Variants in ELN observed in about 807,000 individuals in gnomAD.
The protein encoded by ELN is elastin, also known as tropoelastin.
Under a neutral mutation model 105.8 loss-of-function variants are expected in ELN, and 65 were observed. That is an observed-to-expected ratio of 0.61 (90% CI 0.50 to 0.75). The LOEUF is 0.75. Ranked by LOEUF, ELN falls within the 30% of genes least tolerant of loss-of-function variation. ELN has a pLI of 0.00. For synonymous variants in ELN, 368 were observed against 389.2 expected, an observed-to-expected ratio of 0.95 and a Z score of 0.64; for missense variants, 882 against 969.4, an observed-to-expected ratio of 0.91 and a Z score of 1.20.
intron 19 of ELN, among the ~76,000 whole-genome samples, chr7:74,055,146 G>GTGTCGA (rs1216939263): frequency 6.6e-6 from 1 of 152,266 alleles, no homozygotes; most frequent in Non-Finnish European, 1.5e-5. Context: ...GGACTGAAGA[G>GTGTCGA]TGTCAGTAAA....
At position 74,056,714 on chromosome 7, in the gene ELN, G is replaced by C; in HGVS notation, c.1357+1G>C. ...GCTGCCGCCAAGGCTGCCAAGTACG[G>C]TAAGTGCCCCTGCCCTGCCTGTCCC... is the stretch of plus-strand genomic sequence containing the variant. On this transcript the variant is annotated splice_donor_variant, in intron 21 of 32. Transcript: ENST00000252034. LOFTEE classifies it high-confidence loss of function. The C allele has an allele frequency of 6.2e-7, 1 of 1,613,790 alleles. No homozygotes were observed. The highest frequency in any genetic ancestry group is 8.5e-7 in the Non-Finnish European group (1 of 1,180,018).
At position 74,069,836 on chromosome 7, in the gene ELN, C is replaced by CT. The variant is rs886062436; in HGVS notation, c.*1145dup. 147 of 203,058 alleles carry CT rather than the reference C, an allele frequency of 7.2e-4. No homozygotes were observed. The highest frequency in any genetic ancestry group is 1.7e-3 in the Middle Eastern group (1 of 606). 12.6% of individuals were successfully genotyped at this position (203,058 alleles called of 1,614,324 possible). A position where few individuals can be genotyped will look rare whatever the true frequency, so the allele number is the denominator to read the frequency against. Reference sequence around the variant, plus strand: ...TAATATAACTCTGGATGAAACACACCTTTTTTTTTAATAAGAAAAGAGAAT... The same window carrying CT: ...TAATATAACTCTGGATGAAACACACCTTTTTTTTTTAATAAGAAAAGAGAAT... On this transcript the variant is annotated 3_prime_UTR_variant, in exon 33 of 33. Coordinates refer to ENST00000252034, the MANE Select transcript of ELN (RefSeq NM_000501.4).
intron 15 of ELN, among the ~76,000 whole-genome samples, chr7:74,049,680 G>C (rs1385863744): frequency 1.6e-5 from 2 of 128,146 alleles, no homozygotes; most frequent in African/African-American, 3.0e-5. Context: ...ATTCCTCCAT[G>C]CATTCATCCT....
intron 29 of ELN, among the ~76,000 whole-genome samples, chr7:74,064,410 G>A (rs1261433496): frequency 1.0e-4 from 13 of 127,782 alleles, no homozygotes; most frequent in Admixed American, 4.7e-4. Flanking sequence ...GCGAGACTCC[G>A]TCTCAAAAAA....
intron 25 of ELN, 114 bp from the exon 26 acceptor site, chr7:74,060,987 T>G: frequency 7.8e-7 from 1 of 1,277,926 alleles, no homozygotes; most frequent in Non-Finnish European, 1.1e-6. Context: ...CTTCAGGGCT[T>G]TGAGGAAGCA....
chr7:74,063,720 AGT>A lies in ELN; in HGVS notation c.1993+33_1993+34del. On this transcript the variant is annotated intron_variant, in intron 29 of 32. Coordinates refer to ENST00000252034, the MANE Select transcript of ELN (RefSeq NM_000501.4). The surrounding 1 kb of genome is among the most constrained non-coding windows in gnomAD (Gnocchi z 4.1). The stretch of plus-strand genomic sequence containing the variant: ...GGTGAGAGTTGTTCTGAAATCAGTG[AGT>A]GTGTGTGGTGTGTGTATGCGAGACA... The A allele has an allele frequency of 6.2e-7, 1 of 1,613,846 alleles. No individual in the cohort carries two copies.
chr7:74,058,547 G>A (rs374509621), intron 22 of ELN, among the ~76,000 whole-genome samples: 162 of 152,086 alleles, frequency 1.1e-3, no homozygotes, highest in Admixed American at 4.7e-3. Context: ...TAGCGACAGC[G>A]GTCTCACTAT....
rs188360189 is a variant in ELN at position 74,046,566 on chromosome 7, G to T, written c.572-130G>T. 7 of 937,850 alleles carry T rather than the reference G, an allele frequency of 7.5e-6. No individual in the cohort carries two copies. The South Asian group carries it at 1.0e-4, about 14-fold the overall frequency. 58.1% of individuals were successfully genotyped at this position (937,850 alleles called of 1,614,324 possible). On this transcript the variant is annotated intron_variant, in intron 11 of 32. Transcript: ENST00000252034. ...AACTGACCCATGATGGAGATTCAGG[G>T]AGTCCCTCGAAGCAGGATGGTTTCT...
rs1794126339 is a variant in ELN, at chr7:74,051,912, CTG to C, written c.890-8_890-7del. ...AGGGCAAGGACCTCACCCTCTGTGG[CTG>C]TGTTTTCAGGCGTTGGGACTCCAGC... On this transcript the variant is annotated splice_polypyrimidine_tract_variant and intron_variant, in intron 16 of 32. Coordinates refer to ENST00000252034, the MANE Select transcript of ELN (RefSeq NM_000501.4). 6 of 1,613,968 alleles carry C rather than the reference CTG, an allele frequency of 3.7e-6. No homozygotes were observed. The highest frequency in any genetic ancestry group is 4.5e-5 in the East Asian group (2 of 44,880).
chr7:74,052,030 A>G lies in ELN; in HGVS notation c.949+47A>G, dbSNP rs782128970. On this transcript the variant is annotated intron_variant, in intron 17 of 32. Coordinates refer to ENST00000252034, the MANE Select transcript of ELN (RefSeq NM_000501.4). ...AAGTCCACGGCTCGGGCCCCTGCATAGACCTCGGAGACCCTAGCCGCAAAG... is the reference window on the plus strand; with the variant it reads ...AAGTCCACGGCTCGGGCCCCTGCATGGACCTCGGAGACCCTAGCCGCAAAG... 1.9e-6 allele frequency: 3 copies of G among 1,606,278 alleles called. No individual in the cohort carries two copies. The African/African-American group carries it at 4.0e-5, about 21-fold the overall frequency.
chr7:74,044,747 C>T (rs1554670901), intron 9 of ELN, among the ~76,000 whole-genome samples: 1 of 152,232 alleles, frequency 6.6e-6, no homozygotes. Context: ...CGCTGAAAGC[C>T]AAGGCTGCCC....
At chr7:74,060,625 T>G (rs1796438404) in intron 25 of ELN, 124 bp downstream of exon 25, 15 of 1,564,780 alleles carry the variant, frequency 9.6e-6, no homozygotes, top group Non-Finnish European at 1.2e-5. Flanking sequence ...CCTTGTTAGG[T>G]TCTCCTAAGC....
intron 1 of ELN, among the ~76,000 whole-genome samples, chr7:74,029,810 T>C (rs552293972): frequency 6.6e-6 from 1 of 152,336 alleles, no homozygotes; most frequent in East Asian, 1.9e-4. Context: ...CAGTTCATCA[T>C]CAAGGAACCT....
intron 10 of ELN, 161 bp from the exon 11 acceptor site, chr7:74,046,027 C>T: frequency 1.0e-6 from 1 of 965,794 alleles, no homozygotes; most frequent in South Asian, 1.5e-5. Flanking sequence ...AAGAGCGAAA[C>T]TCCATCTCCG....
chr7:74,060,682 A>AC (rs1554683923), intron 25 of ELN, 181 bp downstream of exon 25: 1 of 1,502,468 alleles, frequency 6.7e-7, no homozygotes, highest in African/African-American at 1.4e-5. Context: ...AGGCCAAGGG[A>AC]CCCCAGGCTG....
At chr7:74,052,687 A>AAGGG (rs1176467727) in intron 17 of ELN, 85 of 141,152 alleles carry the variant, frequency 6.0e-4, no homozygotes, top group African/African-American at 1.0e-3. Flanking sequence ...GGAAGGAAGG[A>AAGGG]AGGGAGGGAG....
chr7:74,069,181 G>A lies in ELN; in HGVS notation c.*481G>A, dbSNP rs1798595986. 1 of 261,756 alleles carries A rather than the reference G, an allele frequency of 3.8e-6. No individual in the cohort carries two copies. Among genetic ancestry groups the A allele is most frequent in the South Asian group, 9.9e-5 (1 of 10,098 alleles). The allele number at this position is 261,756 out of a possible 1,614,324, so 16.2% of individuals were successfully genotyped here. A position where few individuals can be genotyped will look rare whatever the true frequency, so the allele number is the denominator to read the frequency against. ...TCCAGTTGGTACCCAAGCACCTGAA[G>A]CCTCAAAGCTGGATTCGCTCTAGCA... On this transcript the variant is annotated 3_prime_UTR_variant, in exon 33 of 33. Transcript: ENST00000252034.
intron 32 of ELN, 29 bp from the exon 33 acceptor site, chr7:74,068,628 C>T (rs55745361): frequency 1.2e-6 from 2 of 1,613,964 alleles, no homozygotes; most frequent in Non-Finnish European, 1.7e-6. Context: ...GGGCCGGACT[C>T]ACAGTGATGT....
Position 74,057,677 on chromosome 7 carries a change from C to G in ELN, c.1395C>G (p.Ala465=), listed in dbSNP as rs368237840. The change falls in exon 22 of 33, where the codon GCC becomes GCG. Residue 465 remains alanine, a synonymous_variant. Coordinates refer to ENST00000252034, the MANE Select transcript of ELN (RefSeq NM_000501.4). ...CAGCAGCTGCAGCTGCTAAAGCAGC[C>G]GCCAAAGCCGCCCAGTTTGGTAAGT... ...GTPAAAAAKA[A]AKAAQFGLVP... is the part of the protein sequence containing the mutation. 5.0e-6 allele frequency: 8 copies of G among 1,613,506 alleles called. No individual in the cohort carries two copies. Among genetic ancestry groups the G allele is most frequent in the Non-Finnish European group, 6.8e-6 (8 of 1,180,014 alleles).
Sources: gnomAD v4.1 joint callset for allele counts (sites outside exome capture counted in the v4.1 genomes callset) on GRCh38, gnomAD v4.1.1 for gene constraint, Gnocchi (gnomAD v3.1) non-coding constraint, MANE v1.5 for transcripts, NCBI Gene and HGNC (gene_info 2026-07-23, HGNC 2026-07-21) for gene names.